The following PIGK variants were observed in gnomAD, a reference collection of about 807,000 sequenced individuals.
PIGK encodes GPI-anchor transamidase.
In PIGK, 42 loss-of-function variants were observed where a neutral mutation model predicts 50.6. The ratio of observed to expected loss-of-function variants is 0.83; its 90% CI spans 0.65 to 1.07. The LOEUF is 1.07. Among genes scored for constraint, PIGK ranks in the 50% least tolerant of loss-of-function variants. The probability of loss-of-function intolerance (pLI) is 0.00; values close to 1 mark genes in which losing one functional copy is unlikely to be tolerated. For synonymous variants in PIGK, 151 were observed against 156.0 expected (o/e 0.97, Z 0.24); for missense variants, 448 against 488.7 (o/e 0.92, Z 0.78).
chr1:77,099,804 AT>A (rs1441601990), intron 10 of PIGK, among the ~76,000 whole-genome samples: 1 of 152,188 alleles, frequency 6.6e-6, no homozygotes, highest in African/African-American at 2.4e-5. Flanking sequence ...TCTTAAAAAA[AT>A]GACTGACTTT....
intron 3 of PIGK, among the ~76,000 whole-genome samples, chr1:77,179,549 A>T (rs1405073459): frequency 6.6e-6 from 1 of 152,108 alleles, no homozygotes; most frequent in Non-Finnish European, 1.5e-5. Flanking sequence ...GCTGTAACCA[A>T]TCCAGTTGTT....
In PIGK at chr1:77,204,747, A is replaced by T. The variant is rs115306899; in HGVS notation, c.239+1893T>A. On this transcript the variant is annotated intron_variant, in intron 3 of 10. Transcript: ENST00000370812. ...AGGGGCTGATTCCCCTGATATTCTA[A>T]CACTAGACTAACAAAATTTAGGGGA... 3.8e-3 allele frequency among the ~76,000 whole-genome samples: 573 copies of T among 152,292 alleles called. 5 individuals are homozygous for T. Among genetic ancestry groups the T allele is most frequent in the African/African-American group, 0.013 (543 of 41,566 alleles).
intron 10 of PIGK, among the ~76,000 whole-genome samples, chr1:77,109,934 G>A (rs1156946256): frequency 6.6e-6 from 1 of 152,080 alleles, no homozygotes; most frequent in Non-Finnish European, 1.5e-5. Flanking sequence ...AAATCAATGG[G>A]CAAAAATCAC....
intron 3 of PIGK, among the ~76,000 whole-genome samples, chr1:77,178,417 T>C (rs1379966251): frequency 6.6e-6 from 1 of 152,230 alleles, no homozygotes; most frequent in Admixed American, 6.5e-5. Context: ...CTGTAATATG[T>C]ATAGTTACAC....
intron 9 of PIGK, among the ~76,000 whole-genome samples, chr1:77,147,641 C>T (rs902825635): frequency 9.2e-5 from 14 of 152,114 alleles, no homozygotes; most frequent in African/African-American, 3.4e-4. Context: ...GAATTACCAC[C>T]AGATTCAAAA....
At chr1:77,159,599 A>C (rs1721128) in intron 8 of PIGK, among the ~76,000 whole-genome samples, 151,519 of 152,340 alleles carry the variant, frequency 0.99, 75,354 homozygotes, top group Middle Eastern at 1. Flanking sequence ...CTGCCCAAGG[A>C]CATGGGAGCC....
At chr1:77,199,976 T>A (rs191559079) in intron 3 of PIGK, among the ~76,000 whole-genome samples, 1 of 152,112 alleles carries the variant, frequency 6.6e-6, no homozygotes, top group Non-Finnish European at 1.5e-5. Context: ...GAAATGAAAG[T>A]AACCATGTAG....
In PIGK at chr1:77,105,700, T is replaced by C. The variant is rs527877699; in HGVS notation, c.1072-13210A>G. Among the ~76,000 whole-genome samples, 3 of 152,318 alleles carry C rather than the reference T, an allele frequency of 2.0e-5. No homozygotes were observed. The East Asian group carries it at 5.8e-4, about 29-fold the overall frequency. ...AACTACAATACACATGATGGACATC[T>C]GTTTTTATAACTAAAGTTTTGATGT... On this transcript the variant is annotated intron_variant, in intron 10 of 10. Coordinates refer to ENST00000370812, the MANE Select transcript of PIGK (RefSeq NM_005482.3).
At chr1:77,093,193 T>C (rs1008995223) in intron 10 of PIGK, among the ~76,000 whole-genome samples, 1 of 152,080 alleles carries the variant, frequency 6.6e-6, no homozygotes, top group Non-Finnish European at 1.5e-5. Context: ...TTCACTATTA[T>C]ATTTATCTTT....
intron 3 of PIGK, among the ~76,000 whole-genome samples, chr1:77,189,776 CAGAT>C (rs1655856075): frequency 7.3e-6 from 1 of 137,426 alleles, no homozygotes; most frequent in Non-Finnish European, 1.5e-5. Context: ...CACACACACA[CAGAT>C]ATACAGATAT....
chr1:77,125,795 T>C (rs1039731436), intron 9 of PIGK, among the ~76,000 whole-genome samples: 1 of 152,174 alleles, frequency 6.6e-6, no homozygotes, highest in Non-Finnish European at 1.5e-5. Flanking sequence ...TAACTTTAAA[T>C]ACCATATCTG....
intron 1 of PIGK, among the ~76,000 whole-genome samples, chr1:77,217,347 G>A (rs754645798): frequency 2.0e-5 from 3 of 152,136 alleles, no homozygotes; most frequent in Non-Finnish European, 2.9e-5. Flanking sequence ...AAGAAAAGAG[G>A]AAATACAATT....
In PIGK at chr1:77,132,301, T is replaced by C. The variant is rs79278276; in HGVS notation, c.987-9942A>G. Among the ~76,000 whole-genome samples the C allele has an allele frequency of 1.9e-3, 285 of 152,122 alleles. 8 individuals carry two copies. In the East Asian group the frequency reaches 0.046, roughly 25 times the overall value. ...TACTACCTATTTTCTATCTCCCATCTGTTTGAATTTCCTTTTTCTTCTTTT... is the reference window on the plus strand; with the variant it reads ...TACTACCTATTTTCTATCTCCCATCCGTTTGAATTTCCTTTTTCTTCTTTT... On this transcript the variant is annotated intron_variant, in intron 9 of 10. Transcript: ENST00000370812.
At chr1:77,170,834 G>A (rs1655342571) in intron 3 of PIGK, among the ~76,000 whole-genome samples, 1 of 152,136 alleles carries the variant, frequency 6.6e-6, no homozygotes, top group Non-Finnish European at 1.5e-5. Context: ...AGTTTGGCAG[G>A]AGACAGCAAG....
intron 3 of PIGK, among the ~76,000 whole-genome samples, chr1:77,182,263 T>C (rs745374782): frequency 3.3e-5 from 5 of 152,198 alleles, no homozygotes; most frequent in African/African-American, 7.2e-5. Flanking sequence ...TCAACTTGAT[T>C]AGATTGCGCA....
At chr1:77,100,013 C>T (rs1653506129) in intron 10 of PIGK, among the ~76,000 whole-genome samples, 1 of 152,276 alleles carries the variant, frequency 6.6e-6, no homozygotes, top group East Asian at 1.9e-4. Context: ...AGCTAAGCAA[C>T]ACTGTACTTC....
At chr1:77,169,519 C>T in intron 3 of PIGK, 124 bp from the exon 4 acceptor site, 2 of 660,314 alleles carry the variant, frequency 3.0e-6, no homozygotes, top group Non-Finnish European at 5.0e-6. Context: ...TTTTCAACTA[C>T]ATAGTTGAAG....
At position 77,122,202 on chromosome 1, in the gene PIGK, A is replaced by G. The variant is rs1036851060; in HGVS notation, c.1071+73T>C. 11 of 978,142 alleles carry G rather than the reference A, an allele frequency of 1.1e-5. No individual in the cohort carries two copies. In the African/African-American group the frequency reaches 1.1e-4, roughly 10 times the overall value. The allele number at this position is 978,142 out of a possible 1,614,324, so 60.6% of individuals were successfully genotyped here. A position where few individuals can be genotyped will look rare whatever the true frequency, so the allele number is the denominator to read the frequency against. Reference sequence around the variant, plus strand: ...AGCTATAGCACATTGATTCTGAAAAACCTAACAAAAGCAATTACTTCTCAG... The same window carrying G: ...AGCTATAGCACATTGATTCTGAAAAGCCTAACAAAAGCAATTACTTCTCAG... On this transcript the variant is annotated intron_variant, in intron 10 of 10. Coordinates refer to ENST00000370812, the MANE Select transcript of PIGK (RefSeq NM_005482.3).
chr1:77,135,386 T>C (rs931583268), intron 9 of PIGK, among the ~76,000 whole-genome samples: 4 of 152,030 alleles, frequency 2.6e-5, no homozygotes, highest in African/African-American at 9.7e-5. Context: ...CTATGTACTA[T>C]GTACTATGTG....
Sources: allele counts gnomAD v4.1 joint callset (sites outside exome capture counted in the v4.1 genomes callset), GRCh38; gene constraint gnomAD v4.1.1; transcripts MANE v1.5; gene names NCBI Gene and HGNC (gene_info 2026-07-23, HGNC 2026-07-21).